Variants in ATXN7L3 observed in about 807,000 individuals in gnomAD.
ATXN7L3 encodes ataxin-7-like protein 3.
In ATXN7L3, 6 loss-of-function variants were observed where a neutral mutation model predicts 50.0. The ratio of observed to expected loss-of-function variants is 0.12; its 90% confidence interval spans 0.07 to 0.24. The LOEUF (loss-of-function observed/expected upper bound fraction) is 0.24. Among genes scored for constraint, ATXN7L3 ranks in the 10% least tolerant of loss-of-function variants. The pLI, the probability that ATXN7L3 is intolerant of heterozygous loss-of-function variation, is 1.00. For synonymous variants in ATXN7L3, 198 were observed against 165.8 expected, an observed-to-expected ratio of 1.19 and a Z score of -1.49; for missense variants, 322 against 451.3, an observed-to-expected ratio of 0.71 and a Z score of 2.60.
chr17:44,194,584 G>A lies in ATXN7L3; in HGVS notation c.828C>T (p.Gly276=). 1 of 1,613,858 alleles carries A rather than the reference G, an allele frequency of 6.2e-7. No individual in the cohort carries two copies. The highest frequency in any genetic ancestry group is 8.5e-7 in the Non-Finnish European group (1 of 1,179,990). Residue 276 remains glycine, a synonymous_variant, in exon 12 of 13, where the codon GGC becomes GGT. Transcript: ENST00000587097. ...QALISRLQWD[G]SSDLSPSDSG... is the part of the protein sequence containing the mutation. Reference sequence around the variant, plus strand: ...AATCAGAGGGTGAGAGGTCAGAGGAGCCGTCCCACTGAAGCCGGCTGATCA... The same window carrying A: ...AATCAGAGGGTGAGAGGTCAGAGGAACCGTCCCACTGAAGCCGGCTGATCA...
chr17:44,196,492 A>G, intron 5 of ATXN7L3, 74 bp from the exon 6 acceptor site: 1 of 1,598,388 alleles, frequency 6.3e-7, no homozygotes, highest in Non-Finnish European at 8.6e-7. Flanking sequence ...AGAAAACCAT[A>G]CAACAGGCTG....
At position 44,196,977 on chromosome 17, in the gene ATXN7L3, T is replaced by C; in HGVS notation, c.406A>G (p.Asn136Asp). 1.9e-6 allele frequency: 3 copies of C among 1,613,686 alleles called. No homozygotes were observed. Among genetic ancestry groups the C allele is most frequent in the Non-Finnish European group, 2.5e-6 (3 of 1,179,842 alleles). Reference sequence around the variant, plus strand: ...CAGTCGTTGTCATTGATGTCATCATTATCTTCTTGGTCACTCTCAGACTTA... The same window carrying C: ...CAGTCGTTGTCATTGATGTCATCATCATCTTCTTGGTCACTCTCAGACTTA... Reference protein sequence around the residue: ...MNKSESDQEDNDDINDNDWSY... With the variant: ...MNKSESDQEDDDDINDNDWSY... Residue 136 changes from asparagine to aspartate, a missense_variant, in exon 5 of 13, where the codon AAT (asparagine) becomes GAT (aspartate). Asn to Asp is a conservative substitution (Grantham distance 23, BLOSUM62 1). Transcript: ENST00000587097.
rs2055987317 is a variant in ATXN7L3 at position 44,198,082 on chromosome 17, TGTG to T, written c.-15_-13del. ...TCCTCCATTTTCATTTGTAAACTCT[TGTG>T]GAGACGGCGCTCTGACTGCTCATAG... On this transcript the variant is annotated 5_prime_UTR_variant, in exon 2 of 13. Coordinates refer to ENST00000587097, the MANE Select transcript of ATXN7L3 (RefSeq NM_001382309.1). 5 of 1,613,824 alleles carry T rather than the reference TGTG, an allele frequency of 3.1e-6. No homozygotes were observed. The East Asian group carries it at 1.1e-4, about 36-fold the overall frequency.
At chr17:44,197,874 T>C (rs1449923373) in intron 2 of ATXN7L3, 144 bp from the exon 3 acceptor site, 2 of 1,521,338 alleles carry the variant, frequency 1.3e-6, no homozygotes, top group African/African-American at 2.8e-5. Context: ...TTCTTTCTTC[T>C]TCCTGGATCC....
At chr17:44,199,265 C>T (rs1326457036) in intron 1 of ATXN7L3, 3 of 151,538 alleles carry the variant, frequency 2.0e-5, no homozygotes, top group Non-Finnish European at 4.4e-5. Flanking sequence ...CGCGCCCCCT[C>T]CCCGGCCGGC....
intron 2 of ATXN7L3, 53 bp downstream of exon 2, chr17:44,197,967 G>C (rs371317806): frequency 5.7e-6 from 9 of 1,586,884 alleles, no homozygotes; most frequent in Middle Eastern, 1.7e-4. Flanking sequence ...CAGATACAGC[G>C]ACGTAGAGAC....
In ATXN7L3 at chr17:44,193,881, C is replaced by T. The variant is rs2055786097; in HGVS notation, c.*382G>A. ...GCTTCCAACCCACAGCCTCCCGGGTCGCCACATTGCCCCTCAGCAGGGCTT... is the reference window on the plus strand; with the variant it reads ...GCTTCCAACCCACAGCCTCCCGGGTTGCCACATTGCCCCTCAGCAGGGCTT... On this transcript the variant is annotated 3_prime_UTR_variant, in exon 13 of 13. Transcript: ENST00000587097. The T allele has an allele frequency of 2.5e-5, 5 of 197,148 alleles. No homozygotes were observed. The highest frequency in any genetic ancestry group is 4.2e-3 in the Middle Eastern group (2 of 480). The allele number at this position is 197,148 out of a possible 1,614,324, so 12.2% of individuals were successfully genotyped here.
In ATXN7L3 at chr17:44,199,779, G is replaced by GC. The variant is rs911267884; in HGVS notation, c.-345dup. ...GCGCCGTCCGCGCGCCCCTCCCCCC[G>GC]CCCCCCACTCCAGCCCGCCTCTCCC... On this transcript the variant is annotated 5_prime_UTR_variant, in exon 1 of 13. Transcript: ENST00000587097. 8.3e-6 allele frequency: 1 copy of GC among 120,530 alleles called. No homozygotes were observed. The highest frequency in any genetic ancestry group is 1.8e-5 in the Non-Finnish European group (1 of 55,884). 7.5% of individuals were successfully genotyped at this position (120,530 alleles called of 1,614,324 possible).
Position 44,194,031 on chromosome 17 carries a change from T to G in ATXN7L3, c.*232A>C. 1 of 544,178 alleles carries G rather than the reference T, an allele frequency of 1.8e-6. No individual in the cohort carries two copies. Among genetic ancestry groups the G allele is most frequent in the East Asian group, 3.2e-5 (1 of 31,514 alleles). 33.7% of individuals were successfully genotyped at this position (544,178 alleles called of 1,614,324 possible). On this transcript the variant is annotated 3_prime_UTR_variant, in exon 13 of 13. Transcript: ENST00000587097. ...GAAAACCGCCTCCCCACCAAACTTA[T>G]GTCCAAGGCATAATATGTCCAGGTC...
chr17:44,198,146 TG>T lies in ATXN7L3; in HGVS notation c.-60-17del. ...GGCAACACGGCTGCACACACGGGGGTGGGGGTGTTGTTGTGAGTCCAAGGCA... is the reference window on the plus strand; with the variant it reads ...GGCAACACGGCTGCACACACGGGGGTGGGGTGTTGTTGTGAGTCCAAGGCA... On this transcript the variant is annotated splice_polypyrimidine_tract_variant and intron_variant, in intron 1 of 12. Transcript: ENST00000587097. 6.8e-7 allele frequency: 1 copy of T among 1,467,916 alleles called. No homozygotes were observed. Among genetic ancestry groups the T allele is most frequent in the Non-Finnish European group, 9.5e-7 (1 of 1,056,658 alleles). 90.9% of individuals were successfully genotyped at this position (1,467,916 alleles called of 1,614,324 possible).
Position 44,195,839 on chromosome 17 carries a change from A to G in ATXN7L3, c.524-11T>C, listed in dbSNP as rs768862126. 4 of 1,609,678 alleles carry G rather than the reference A, an allele frequency of 2.5e-6. No homozygotes were observed. The South Asian group carries it at 4.4e-5, about 18-fold the overall frequency. On this transcript the variant is annotated splice_polypyrimidine_tract_variant and intron_variant, in intron 7 of 12. Transcript: ENST00000587097. The stretch of plus-strand genomic sequence containing the variant: ...AATTGCTAAGTTCCCCTGAAGAAGA[A>G]AAAAGAAGGGGAAGGGTGTTTGATG...
At chr17:44,198,674 A>AGC (rs924524092) in intron 1 of ATXN7L3, among the ~76,000 whole-genome samples, 6 of 151,276 alleles carry the variant, frequency 4.0e-5, no homozygotes, top group Non-Finnish European at 8.8e-5. Flanking sequence ...CCACTCCACG[A>AGC]GGGGAGCAGA....
Position 44,194,404 on chromosome 17 carries a change from G to A in ATXN7L3, c.903C>T (p.Asn301=), listed in dbSNP as rs1162523239. 12 of 1,614,144 alleles carry A rather than the reference G, an allele frequency of 7.4e-6. No homozygotes were observed. In the South Asian group the frequency reaches 1.1e-4, roughly 15 times the overall value. The change falls in exon 13 of 13, where the codon AAC becomes AAT. Residue 301 remains asparagine, a synonymous_variant. Transcript: ENST00000587097. The part of the protein sequence containing the change: ...SENQGWGLGT[N]SSESRKTKKK... ...TCTTGGTTTTCCGTGACTCAGAGCTGTTGGTACCTGTAGAGAAAGAGACAC... is the reference window on the plus strand; with the variant it reads ...TCTTGGTTTTCCGTGACTCAGAGCTATTGGTACCTGTAGAGAAAGAGACAC...
In ATXN7L3 at chr17:44,191,837, C is replaced by T. The variant is rs1247098152; in HGVS notation, c.*2426G>A. 3.2e-6 allele frequency: 2 copies of T among 623,364 alleles called. No homozygotes were observed. 38.6% of individuals were successfully genotyped at this position (623,364 alleles called of 1,614,324 possible). Reference sequence around the variant, plus strand: ...GGGAGATGCAGTTTATTTACACCAGCAGCCATGGGGGCAGAGGGAATACAC... The same window carrying T: ...GGGAGATGCAGTTTATTTACACCAGTAGCCATGGGGGCAGAGGGAATACAC... On this transcript the variant is annotated 3_prime_UTR_variant, in exon 13 of 13. Coordinates refer to ENST00000587097, the MANE Select transcript of ATXN7L3 (RefSeq NM_001382309.1).
chr17:44,196,823 A>T (rs2055920395), intron 5 of ATXN7L3, 106 bp downstream of exon 5: 2 of 695,802 alleles, frequency 2.9e-6, no homozygotes, highest in Non-Finnish European at 2.5e-6. Flanking sequence ...GCGTAACTAC[A>T]CTCTCTCTTC....
At chr17:44,195,773 C>T in intron 8 of ATXN7L3, 27 bp downstream of exon 8, 4 of 1,585,666 alleles carry the variant, frequency 2.5e-6, no homozygotes, top group Non-Finnish European at 3.5e-6. Flanking sequence ...ACAATGAGAG[C>T]AAGCATGAGG....
rs769716137 is a variant in ATXN7L3, at chr17:44,198,092, G to A, written c.-22C>T. ...TCATTTGTAAACTCTTGTGGAGACG[G>A]CGCTCTGACTGCTCATAGCACAGCG... On this transcript the variant is annotated 5_prime_UTR_variant, in exon 2 of 13. Coordinates refer to ENST00000587097, the MANE Select transcript of ATXN7L3 (RefSeq NM_001382309.1). The A allele has an allele frequency of 5.6e-6, 9 of 1,613,180 alleles. No individual in the cohort carries two copies. The South Asian group carries it at 9.9e-5, about 18-fold the overall frequency.
chr17:44,196,916 G>A lies in ATXN7L3; in HGVS notation c.454+13C>T, dbSNP rs186457387. On this transcript the variant is annotated intron_variant, in intron 5 of 12. Coordinates refer to ENST00000587097, the MANE Select transcript of ATXN7L3 (RefSeq NM_001382309.1). ...TCCCAATGCCCCCCGGGTTTCCCCA[G>A]ATCCCCAAGCACCTTTCTTCTCCGA... 930 of 1,599,202 alleles carry A rather than the reference G, an allele frequency of 5.8e-4. 2 individuals carry two copies. The highest frequency in any genetic ancestry group is 7.0e-4 in the Non-Finnish European group (819 of 1,168,522).
In ATXN7L3 at chr17:44,196,067, G is replaced by A. The variant is rs775214556; in HGVS notation, c.490C>T (p.Pro164Ser). Residue 164 changes from proline to serine, a missense_variant, in exon 7 of 13, where the codon CCT becomes TCT. Around this residue, in one of 5 missense-constraint regions of ATXN7L3, gnomAD observed 95 missense variants for 98.1 expected, o/e 0.97. Coordinates refer to ENST00000587097, the MANE Select transcript of ATXN7L3 (RefSeq NM_001382309.1). ...TGTTTTAATGACTTGGATCTTCGAG[G>A]GGAATTGGGGTTCTGGAATGGGAGA... Reference protein sequence around the residue: ...KRKSDKNPNSPRRSKSLKHKN... With the variant: ...KRKSDKNPNSSRRSKSLKHKN... The A allele has an allele frequency of 3.7e-6, 6 of 1,613,316 alleles. No homozygotes were observed. Among genetic ancestry groups the A allele is most frequent in the Admixed American group, 1.7e-5 (1 of 59,976 alleles).
Sources: gnomAD v4.1 joint callset for allele counts (sites outside exome capture counted in the v4.1 genomes callset) on GRCh38, gnomAD v4.1.1 for gene constraint, gnomAD v4.1.1 regional missense constraint, MANE v1.5 for transcripts, NCBI Gene and HGNC (gene_info 2026-07-23, HGNC 2026-07-21) for gene names.